The following DIS3 variants were observed in gnomAD, a reference collection of about 807,000 sequenced individuals.
DIS3 encodes the protein exosome complex exonuclease RRP44.
In DIS3, 103 loss-of-function variants were observed where a neutral mutation model predicts 113.0. The observed-to-expected ratio is 0.91, with a 90% CI of 0.78 to 1.07. The LOEUF is 1.07. DIS3 is among the 50% of genes least tolerant of loss of function. DIS3 has a pLI of 0.00. For synonymous variants in DIS3, 402 were observed against 394.3 expected (o/e 1.02, Z -0.23); for missense variants, 1,121 against 1,167.1 (o/e 0.96, Z 0.58).
chr13:72,755,769 T>G lies in DIS3; in HGVS notation c.*4026A>C, dbSNP rs987147297. On this transcript the variant is annotated 3_prime_UTR_variant, in exon 21 of 21. Coordinates refer to ENST00000377767, the MANE Select transcript of DIS3 (RefSeq NM_014953.5). ...GAAAATTCTTAGTTCCAGTGATAAC[T>G]GTTCTAGTTACTACTTTTAAGTATG... 2 of 397,754 alleles carry G rather than the reference T, an allele frequency of 5.0e-6. No individual in the cohort carries two copies. The highest frequency in any genetic ancestry group is 8.9e-6 in the Non-Finnish European group (2 of 225,982). The allele number at this position is 397,754 out of a possible 1,614,324, so 24.6% of individuals were successfully genotyped here.
At position 72,777,303 on chromosome 13, in the gene DIS3, T is replaced by C. The variant is rs909369374; in HGVS notation, c.654+117A>G. ...TCCACTCCTGTTTATAACACAACTATTCCAAATCCAGCTTACCCACCGACA... is the reference window on the plus strand; with the variant it reads ...TCCACTCCTGTTTATAACACAACTACTCCAAATCCAGCTTACCCACCGACA... On this transcript the variant is annotated intron_variant, in intron 4 of 20. Transcript: ENST00000377767. 8 of 926,560 alleles carry C rather than the reference T, an allele frequency of 8.6e-6. No homozygotes were observed. In the Middle Eastern group the frequency reaches 8.3e-4, roughly 96 times the overall value. The allele number at this position is 926,560 out of a possible 1,614,324, so 57.4% of individuals were successfully genotyped here.
In DIS3 at chr13:72,775,995, A is replaced by G; in HGVS notation, c.752T>C (p.Phe251Ser). The change falls in exon 5 of 21, where the codon TTT becomes TCT. Residue 251 changes from phenylalanine to serine, a missense_variant. Phe to Ser is a radical substitution (Grantham distance 155). Around this residue, in one of 3 missense-constraint regions of DIS3, gnomAD observed 861 missense variants for 915.5 expected, o/e 0.94. Transcript: ENST00000377767. ...CAAGTAATTTTCCCTGCTAGCTCTA[A>G]ATGTTCCTTGAAGGTATGTACCAGA... ...IKSGTYLQGT[F>S]RASRENYLEA... 6.2e-7 allele frequency: 1 copy of G among 1,611,874 alleles called. No individual in the cohort carries two copies. The highest frequency in any genetic ancestry group is 1.1e-5 in the South Asian group (1 of 90,408).
chr13:72,761,584 A>T, intron 18 of DIS3, 62 bp downstream of exon 18: 1 of 1,526,370 alleles, frequency 6.6e-7, no homozygotes, highest in Non-Finnish European at 8.8e-7. Context: ...CAAAAAATTG[A>T]AATTAAATTA....
chr13:72,763,738 T>A lies in DIS3; in HGVS notation c.1971-131A>T, dbSNP rs1429907278. The A allele has an allele frequency of 7.2e-6, 6 of 828,452 alleles. 1 individual carries two copies. Among genetic ancestry groups the A allele is most frequent in the Middle Eastern group, 7.3e-4 (2 of 2,724 alleles). 51.3% of individuals were successfully genotyped at this position (828,452 alleles called of 1,614,324 possible). On this transcript the variant is annotated intron_variant, in intron 15 of 20. Transcript: ENST00000377767. ...TTTCCTATGTAAACATTCATATGTG[T>A]GTGTACATTTGTATTTTAAATAACT... is the stretch of plus-strand genomic sequence containing the variant.
Position 72,757,148 on chromosome 13 carries a change from CA to C in DIS3, c.*2646del, listed in dbSNP as rs973418473. 6.6e-6 allele frequency: 1 copy of C among 152,006 alleles called. No individual in the cohort carries two copies. Among genetic ancestry groups the C allele is most frequent in the African/African-American group, 2.4e-5 (1 of 41,392 alleles). 9.4% of individuals were successfully genotyped at this position (152,006 alleles called of 1,614,324 possible). On this transcript the variant is annotated 3_prime_UTR_variant, in exon 21 of 21. Coordinates refer to ENST00000377767, the MANE Select transcript of DIS3 (RefSeq NM_014953.5). The stretch of plus-strand genomic sequence containing the variant: ...TTAAACCTTTCTAGTAGCTGAAGCA[CA>C]AGAAAATAAACTTGGAAAGAAAAAA...
Position 72,752,856 on chromosome 13 carries a change from C to A in DIS3, c.*6939G>T, listed in dbSNP as rs1420189079. 1 of 152,158 alleles carries A rather than the reference C, an allele frequency of 6.6e-6. No individual in the cohort carries two copies. Among genetic ancestry groups the A allele is most frequent in the Non-Finnish European group, 1.5e-5 (1 of 68,044 alleles). 9.4% of individuals were successfully genotyped at this position (152,158 alleles called of 1,614,324 possible). A position where few individuals can be genotyped will look rare whatever the true frequency, so the allele number is the denominator to read the frequency against. ...AGTCAGCTTTTTCCTTCCCTCTGAT[C>A]CTAACTTGCAGGGAGGGCTTAAATG... On this transcript the variant is annotated 3_prime_UTR_variant, in exon 21 of 21. Transcript: ENST00000377767.
rs61213189 is a variant in DIS3 at position 72,755,141 on chromosome 13, T to C, written c.*4654A>G. On this transcript the variant is annotated 3_prime_UTR_variant, in exon 21 of 21. Coordinates refer to ENST00000377767, the MANE Select transcript of DIS3 (RefSeq NM_014953.5). ...AAACTGAAAACAAGGTATTGTCTTC[T>C]TTTTCACAGCAAGACCACACAACAC... 1.9e-6 allele frequency: 3 copies of C among 1,613,172 alleles called. No individual in the cohort carries two copies. In the East Asian group the frequency reaches 6.7e-5, roughly 36 times the overall value.
At chr13:72,772,625 T>A in intron 9 of DIS3, 68 bp downstream of exon 9, 6 of 1,505,184 alleles carry the variant, frequency 4.0e-6, no homozygotes, top group Non-Finnish European at 4.4e-6. Flanking sequence ...AAAACACATA[T>A]AGAAATTAAA....
Position 72,761,909 on chromosome 13 carries a change from T to A in DIS3, c.2342+14A>T, listed in dbSNP as rs2033635385. ...CCATTTTCTATCTCCTTTAATTTCA[T>A]AAGGAAAAAATACCTTCTAATGGGT... On this transcript the variant is annotated intron_variant, in intron 17 of 20. Coordinates refer to ENST00000377767, the MANE Select transcript of DIS3 (RefSeq NM_014953.5). 1 of 1,613,282 alleles carries A rather than the reference T, an allele frequency of 6.2e-7. No individual in the cohort carries two copies. The highest frequency in any genetic ancestry group is 1.7e-5 in the Admixed American group (1 of 59,882).
At position 72,756,406 on chromosome 13, in the gene DIS3, T is replaced by G. The variant is rs1354731677; in HGVS notation, c.*3389A>C. 1.3e-5 allele frequency: 2 copies of G among 152,818 alleles called. No individual in the cohort carries two copies. The highest frequency in any genetic ancestry group is 2.9e-5 in the Non-Finnish European group (2 of 68,510). 9.5% of individuals were successfully genotyped at this position (152,818 alleles called of 1,614,324 possible). ...TCAATATAAATTTACCTAAAAACAA[T>G]TGCTATACCTAAAAGGAGTTCTGGG... On this transcript the variant is annotated 3_prime_UTR_variant, in exon 21 of 21. Transcript: ENST00000377767.
chr13:72,780,694 A>G, intron 2 of DIS3, 152 bp downstream of exon 2: 1 of 783,172 alleles, frequency 1.3e-6, no homozygotes, highest in Admixed American at 3.1e-5. Context: ...AGATCCACTT[A>G]GCATTATCTT....
In DIS3 at chr13:72,753,990, A is replaced by G; in HGVS notation, c.*5805T>C. 1 of 650,796 alleles carries G rather than the reference A, an allele frequency of 1.5e-6. No homozygotes were observed. 40.3% of individuals were successfully genotyped at this position (650,796 alleles called of 1,614,324 possible). A position where few individuals can be genotyped will look rare whatever the true frequency, so the allele number is the denominator to read the frequency against. Reference sequence around the variant, plus strand: ...CCTTTAAATATTTTGGTTACTCTGAATACACAAGTATCTTACATACTACAA... The same window carrying G: ...CCTTTAAATATTTTGGTTACTCTGAGTACACAAGTATCTTACATACTACAA... On this transcript the variant is annotated 3_prime_UTR_variant, in exon 21 of 21. Coordinates refer to ENST00000377767, the MANE Select transcript of DIS3 (RefSeq NM_014953.5).
intron 13 of DIS3, among the ~76,000 whole-genome samples, chr13:72,769,793 T>G (rs1210619908): frequency 6.6e-6 from 1 of 152,220 alleles, no homozygotes; most frequent in Non-Finnish European, 1.5e-5. Context: ...AACACTGTTT[T>G]CTTTGCAACC....
Position 72,778,176 on chromosome 13 carries a change from T to C in DIS3, c.580+11A>G. 6.4e-7 allele frequency: 1 copy of C among 1,565,426 alleles called. No individual in the cohort carries two copies. The highest frequency in any genetic ancestry group is 8.7e-7 in the Non-Finnish European group (1 of 1,144,154). ...CAAACATGCACTAAGTACTTCTACA[T>C]TTAGACTTACAAGTGAAAGCTGGTA... On this transcript the variant is annotated intron_variant, in intron 3 of 20. Coordinates refer to ENST00000377767, the MANE Select transcript of DIS3 (RefSeq NM_014953.5).
chr13:72,781,737 A>T lies in DIS3; in HGVS notation c.96T>A (p.Gly32=), dbSNP rs2034242009. 1 of 1,590,116 alleles carries T rather than the reference A, an allele frequency of 6.3e-7. No homozygotes were observed. The highest frequency in any genetic ancestry group is 1.3e-5 in the African/African-American group (1 of 74,342). ...EHYLRDDIGC[G]APGCAACGGA... ...CTCCACACGCTGCGCACCCGGGCGC[A>T]CCGCAGCCGATGTCGTCTCGCAGGT... Residue 32 remains glycine (G), a synonymous_variant, in exon 1 of 21, where the codon GGT becomes GGA. Coordinates refer to ENST00000377767, the MANE Select transcript of DIS3 (RefSeq NM_014953.5).
chr13:72,766,793 A>G (rs2138175461), intron 14 of DIS3, among the ~76,000 whole-genome samples: 1 of 152,314 alleles, frequency 6.6e-6, no homozygotes, highest in Admixed American at 6.5e-5. Flanking sequence ...TAAAAATTTT[A>G]ATGAGACTGG....
rs2033448162 is a variant in DIS3 at position 72,755,798 on chromosome 13, A to G, written c.*3997T>C. The G allele has an allele frequency of 2.5e-6, 1 of 398,286 alleles. No homozygotes were observed. Among genetic ancestry groups the G allele is most frequent in the Non-Finnish European group, 4.4e-6 (1 of 226,038 alleles). The allele number at this position is 398,286 out of a possible 1,614,324, so 24.7% of individuals were successfully genotyped here. ...CTAGTTACTACTTTTAAGTATGTAA[A>G]TACTAGAAAGGTAGTACTAGTGACA... On this transcript the variant is annotated 3_prime_UTR_variant, in exon 21 of 21. Coordinates refer to ENST00000377767, the MANE Select transcript of DIS3 (RefSeq NM_014953.5).
chr13:72,760,720 A>G (rs1290010288), intron 19 of DIS3, 69 bp from the exon 20 acceptor site: 1 of 1,535,568 alleles, frequency 6.5e-7, no homozygotes, highest in Non-Finnish European at 8.8e-7. Flanking sequence ...AATCCTTTAC[A>G]ATTTATCTTA....
rs1479406881 is a variant in DIS3, at chr13:72,760,569, A to G, written c.2753T>C (p.Leu918Pro). 1.9e-6 allele frequency: 3 copies of G among 1,613,564 alleles called. No individual in the cohort carries two copies. Among genetic ancestry groups the G allele is most frequent in the African/African-American group, 1.3e-5 (1 of 74,920 alleles). The change falls in exon 20 of 21, where the codon CTT (leucine) becomes CCT (proline). Residue 918 changes from leucine to proline, a missense_variant. This residue lies in a region of DIS3 where 861 missense variants were observed against 915.5 expected (regional missense o/e 0.94). Coordinates refer to ENST00000377767, the MANE Select transcript of DIS3 (RefSeq NM_014953.5). ...GGACATTCGGATCTTCTGATGTTGA[A>G]GATTAGATGAGTCTAACATGATTTT... The part of the protein sequence containing the change: ...KVKIMLDSSN[L>P]QHQKIRMSLV...
Sources: allele counts gnomAD v4.1 joint callset (sites outside exome capture counted in the v4.1 genomes callset), GRCh38; gene constraint gnomAD v4.1.1; regional missense constraint gnomAD v4.1.1; transcripts MANE v1.5; gene names NCBI Gene and HGNC (gene_info 2026-07-23, HGNC 2026-07-21).